The following GALNT10 variants were observed in gnomAD, a reference collection of about 807,000 sequenced individuals.
GALNT10 encodes GalNAc transferase 10.
Under a neutral mutation model 75.0 loss-of-function variants are expected in GALNT10, and 41 were observed. The observed-to-expected ratio is 0.55, with a 90% confidence interval of 0.43 to 0.71. The LOEUF is 0.71. Ranked by LOEUF, GALNT10 falls within the 30% of genes least tolerant of loss-of-function variation. GALNT10 has a pLI of 0.00. For missense variants in GALNT10, 727 were observed against 818.5 expected (o/e 0.89, Z 1.36); for synonymous variants, 302 against 313.0 (o/e 0.96, Z 0.37).
Position 154,270,027 on chromosome 5 carries a change from T to C in GALNT10, c.160-24789T>C, listed in dbSNP as rs546720784. On this transcript the variant is annotated intron_variant, in intron 1 of 11. Coordinates refer to ENST00000297107, the MANE Select transcript of GALNT10 (RefSeq NM_198321.4). Reference sequence around the variant, plus strand: ...CTCTTTCTCTTATCAAAGGCCAGACTAACCTTCAAAGCCAAGTGGCTTGGC... The same window carrying C: ...CTCTTTCTCTTATCAAAGGCCAGACCAACCTTCAAAGCCAAGTGGCTTGGC... 2.0e-5 allele frequency among the ~76,000 whole-genome samples: 3 copies of C among 152,114 alleles called. 1 individual carries two copies. The highest frequency in any genetic ancestry group is 4.4e-5 in the Non-Finnish European group (3 of 68,010).
intron 4 of GALNT10, among the ~76,000 whole-genome samples, chr5:154,354,677 TG>T (rs1352407623): frequency 6.6e-6 from 1 of 151,872 alleles, no homozygotes; most frequent in African/African-American, 2.4e-5. Context: ...GGCATTCGGG[TG>T]GGGGGGTATC....
chr5:154,281,545 G>T (rs1754038464), intron 1 of GALNT10, among the ~76,000 whole-genome samples: 1 of 152,058 alleles, frequency 6.6e-6, no homozygotes, highest in Non-Finnish European at 1.5e-5. Flanking sequence ...AAAGACAAGG[G>T]GACCTGCCTA....
chr5:154,250,498 C>A (rs756529832), intron 1 of GALNT10, among the ~76,000 whole-genome samples: 15 of 152,094 alleles, frequency 9.9e-5, no homozygotes, highest in Non-Finnish European at 1.9e-4. Context: ...ATATTCCTGC[C>A]ACTTCTCTGT....
chr5:154,271,807 AG>A (rs1196103153), intron 1 of GALNT10, among the ~76,000 whole-genome samples: 1 of 152,212 alleles, frequency 6.6e-6, no homozygotes, highest in African/African-American at 2.4e-5. Context: ...GTCATCCAAT[AG>A]AGTGTTTCTT....
intron 1 of GALNT10, among the ~76,000 whole-genome samples, chr5:154,269,278 T>C (rs1041245472): frequency 1.3e-5 from 2 of 152,184 alleles, no homozygotes; most frequent in Non-Finnish European, 2.9e-5. Flanking sequence ...GTATTAAGCT[T>C]AATAAATGCT....
At chr5:154,284,778 A>G (rs942871925) in intron 1 of GALNT10, among the ~76,000 whole-genome samples, 4 of 152,216 alleles carry the variant, frequency 2.6e-5, no homozygotes, top group Non-Finnish European at 5.9e-5. Context: ...GAGTTTGGGA[A>G]GGAATGGGCA....
chr5:154,228,083 C>A (rs1045224310), intron 1 of GALNT10, among the ~76,000 whole-genome samples: 1 of 152,192 alleles, frequency 6.6e-6, no homozygotes, highest in African/African-American at 2.4e-5. Context: ...GCTCCTACTT[C>A]ACCTTCCACC....
At chr5:154,384,015 C>T (rs576522399) in intron 6 of GALNT10, among the ~76,000 whole-genome samples, 7 of 152,224 alleles carry the variant, frequency 4.6e-5, no homozygotes, top group South Asian at 2.1e-4. Flanking sequence ...CTTCACAAGG[C>T]GGCAGGAGAG....
chr5:154,264,478 G>C (rs1365649213), intron 1 of GALNT10, among the ~76,000 whole-genome samples: 1 of 152,114 alleles, frequency 6.6e-6, no homozygotes. Flanking sequence ...CAAGCATTAT[G>C]ATATCTGCAG....
intron 4 of GALNT10, among the ~76,000 whole-genome samples, chr5:154,353,663 A>T (rs1755245459): frequency 6.6e-6 from 1 of 152,334 alleles, no homozygotes; most frequent in Admixed American, 6.5e-5. Flanking sequence ...AGGGCCTGAG[A>T]TTCTATGGCA....
chr5:154,357,263 A>G (rs27904), intron 4 of GALNT10, among the ~76,000 whole-genome samples: 10,216 of 152,266 alleles, frequency 0.067, 1,014 homozygotes, highest in East Asian at 0.2. Context: ...AGCCAAGGCT[A>G]CAGATGGGGA....
chr5:154,237,193 C>T (rs937793127), intron 1 of GALNT10, among the ~76,000 whole-genome samples: 6 of 152,188 alleles, frequency 3.9e-5, no homozygotes, highest in African/African-American at 1.4e-4. Context: ...AGGACATTGT[C>T]GCCCCCTTTG....
intron 4 of GALNT10, among the ~76,000 whole-genome samples, chr5:154,370,880 C>T (rs1454019301): frequency 6.6e-6 from 1 of 152,204 alleles, no homozygotes; most frequent in Non-Finnish European, 1.5e-5. Context: ...TGCAGTGCTC[C>T]AGACCAGGCT....
At chr5:154,234,319 G>A (rs1047599604) in intron 1 of GALNT10, among the ~76,000 whole-genome samples, 2 of 152,248 alleles carry the variant, frequency 1.3e-5, no homozygotes, top group South Asian at 4.2e-4. Context: ...TCCTACCCAG[G>A]GTCTTAGTGG....
At chr5:154,303,627 GT>G (rs1398057235) in intron 3 of GALNT10, among the ~76,000 whole-genome samples, 1 of 152,124 alleles carries the variant, frequency 6.6e-6, no homozygotes, top group Non-Finnish European at 1.5e-5. Flanking sequence ...ACTTAGAAGA[GT>G]TTTGCCTTAG....
chr5:154,207,432 G>A (rs922250068), intron 1 of GALNT10, among the ~76,000 whole-genome samples: 5 of 152,102 alleles, frequency 3.3e-5, no homozygotes. Flanking sequence ...TCACTGGTAG[G>A]GCTGTGACTG....
chr5:154,355,497 G>C (rs1017124434), intron 4 of GALNT10, among the ~76,000 whole-genome samples: 3 of 152,208 alleles, frequency 2.0e-5, no homozygotes, highest in African/African-American at 4.8e-5. Context: ...GCTCAGGAGG[G>C]AGCCAAGGAA....
chr5:154,297,934 C>A lies in GALNT10; in HGVS notation c.263-7C>A. The stretch of plus-strand genomic sequence containing the variant: ...TTAGCAACATCGAATTTGCTCTTTG[C>A]TTCTAGGAAATGGAGAACAAGGAAG... On this transcript the variant is annotated splice_polypyrimidine_tract_variant and splice_region_variant and intron_variant, in intron 2 of 11. Coordinates refer to ENST00000297107, the MANE Select transcript of GALNT10 (RefSeq NM_198321.4). 1 of 1,612,196 alleles carries A rather than the reference C, an allele frequency of 6.2e-7. No individual in the cohort carries two copies. Among genetic ancestry groups the A allele is most frequent in the Non-Finnish European group, 8.5e-7 (1 of 1,179,042 alleles).
intron 5 of GALNT10, among the ~76,000 whole-genome samples, chr5:154,378,132 T>C (rs1390111742): frequency 6.6e-6 from 1 of 152,232 alleles, no homozygotes; most frequent in Non-Finnish European, 1.5e-5. Flanking sequence ...ACCAGTGATG[T>C]AGATTTAAAA....
Sources: allele counts gnomAD v4.1 joint callset (sites outside exome capture counted in the v4.1 genomes callset), GRCh38; gene constraint gnomAD v4.1.1; transcripts MANE v1.5; gene names NCBI Gene and HGNC (gene_info 2026-07-23, HGNC 2026-07-21).